GGA2: variants seen among roughly 807,000 people sequenced by gnomAD.
GGA2 encodes ADP-ribosylation factor-binding protein GGA2.
GGA2 carries 48 observed loss-of-function variants against 79.5 expected under a neutral mutation model. That is an observed-to-expected ratio of 0.60 (90% CI 0.48 to 0.77). The LOEUF (loss-of-function observed/expected upper bound fraction) is 0.77. Among genes scored for constraint, GGA2 ranks in the 30% least tolerant of loss-of-function variants. GGA2 has a pLI of 0.00. For synonymous variants in GGA2, 317 were observed against 302.0 expected, an observed-to-expected ratio of 1.05 and a Z score of -0.51; for missense variants, 770 against 774.0, an observed-to-expected ratio of 0.99 and a Z score of 0.06.
intron 2 of GGA2, among the ~76,000 whole-genome samples, chr16:23,518,209 C>G (rs766966358): frequency 4.9e-4 from 74 of 152,072 alleles, no homozygotes; most frequent in Non-Finnish European, 1.0e-3. Flanking sequence ...CCACGCCTGG[C>G]TGACATTTAT....
Position 23,500,146 on chromosome 16 carries a change from G to C in GGA2, c.92-4368C>G, listed in dbSNP as rs189199172. 6.6e-5 allele frequency among the ~76,000 whole-genome samples: 10 copies of C among 152,368 alleles called. 1 individual carries two copies. Among genetic ancestry groups the C allele is most frequent in the Admixed American group, 4.6e-4 (7 of 15,314 alleles). On this transcript the variant is annotated intron_variant, in intron 1 of 16. Transcript: ENST00000309859. Reference sequence around the variant, plus strand: ...AACAGGTTCCCAAGGGACCCTTGTAGACAAGGCAGCTCAGGGGAGGCAGCT... The same window carrying C: ...AACAGGTTCCCAAGGGACCCTTGTACACAAGGCAGCTCAGGGGAGGCAGCT...
intron 6 of GGA2, among the ~76,000 whole-genome samples, chr16:23,487,373 G>C (rs943484975): frequency 1.3e-5 from 2 of 152,150 alleles, no homozygotes; most frequent in African/African-American, 2.4e-5. Context: ...GTCACAACTA[G>C]AGAGGGGGTG....
At chr16:23,479,667 A>T in intron 11 of GGA2, 98 bp downstream of exon 11, 7 of 1,374,846 alleles carry the variant, frequency 5.1e-6, no homozygotes, top group Non-Finnish European at 7.1e-6. Flanking sequence ...AACCATCTCG[A>T]CTCCCTCAGC....
chr16:23,499,256 G>A (rs534059692), intron 1 of GGA2, among the ~76,000 whole-genome samples: 29 of 150,670 alleles, frequency 1.9e-4, no homozygotes, highest in African/African-American at 6.8e-4. Flanking sequence ...GCGATTCTCC[G>A]GCCTCAGCCT....
chr16:23,484,133 C>A (rs1964683333), intron 8 of GGA2, among the ~76,000 whole-genome samples: 1 of 151,396 alleles, frequency 6.6e-6, no homozygotes. Flanking sequence ...ACTGGCCAGG[C>A]ACAGTGGCTC....
At chr16:23,504,647 G>A (rs540501348) in intron 1 of GGA2, among the ~76,000 whole-genome samples, 3 of 152,334 alleles carry the variant, frequency 2.0e-5, no homozygotes, top group East Asian at 3.9e-4. Flanking sequence ...AGCAACCGCC[G>A]TAGGTCTGTT....
At chr16:23,523,499 A>C (rs1376673125), upstream of GGA2, 1 of 152,216 alleles carries the variant, frequency 6.6e-6, no homozygotes, top group Non-Finnish European at 1.5e-5. Context: ...AGCATAAGAC[A>C]AGAGTGCTTA....
At chr16:23,483,582 A>G (rs1964675862) in intron 8 of GGA2, among the ~76,000 whole-genome samples, 1 of 152,180 alleles carries the variant, frequency 6.6e-6, no homozygotes, top group Non-Finnish European at 1.5e-5. Context: ...GTTCCAAGGG[A>G]GACCAACAGC....
At chr16:23,499,012 C>T (rs1356065678) in intron 1 of GGA2, among the ~76,000 whole-genome samples, 3 of 152,124 alleles carry the variant, frequency 2.0e-5, no homozygotes, top group African/African-American at 7.2e-5. Context: ...AGGAAGAGAA[C>T]AGGGGGAGGC....
intron 1 of GGA2, among the ~76,000 whole-genome samples, chr16:23,505,459 C>CGGCT (rs1292354077): frequency 6.6e-6 from 1 of 152,214 alleles, no homozygotes; most frequent in East Asian, 1.9e-4. Context: ...AAGAACAAGG[C>CGGCT]GGCTACATCT....
upstream of GGA2, among the ~76,000 whole-genome samples, chr16:23,510,870 C>CGTGTGTGT (rs146414672): frequency 3.9e-5 from 5 of 129,508 alleles, no homozygotes; most frequent in African/African-American, 1.7e-4. Flanking sequence ...CCACGCCTGG[C>CGTGTGTGT]GTGTGTGTGT....
At chr16:23,513,273 T>C (rs1048461200), upstream of GGA2, among the ~76,000 whole-genome samples, 5 of 66,638 alleles carry the variant, frequency 7.5e-5, no homozygotes, top group Admixed American at 3.2e-4. Flanking sequence ...AGCGAGTACT[T>C]TGAACTCAAA....
chr16:23,509,604 T>C (rs1275774893), intron 1 of GGA2, among the ~76,000 whole-genome samples: 1 of 151,796 alleles, frequency 6.6e-6, no homozygotes, highest in East Asian at 1.9e-4. Flanking sequence ...CAATCCCTCA[T>C]TGGTAAAACG....
At chr16:23,481,542 G>A (rs181012358) in intron 9 of GGA2, among the ~76,000 whole-genome samples, 7 of 152,306 alleles carry the variant, frequency 4.6e-5, no homozygotes, top group African/African-American at 1.7e-4. Context: ...GGAAGCCAAG[G>A]CGGGCAAATC....
At chr16:23,493,990 G>C (rs1964822816) in intron 3 of GGA2, 1 of 415,070 alleles carries the variant, frequency 2.4e-6, no homozygotes, top group Non-Finnish European at 4.4e-6. Flanking sequence ...AGTGGGCCCT[G>C]TGCTAGAACT....
At chr16:23,505,065 C>T (rs187176464) in intron 1 of GGA2, among the ~76,000 whole-genome samples, 1 of 152,248 alleles carries the variant, frequency 6.6e-6, no homozygotes, top group East Asian at 1.9e-4. Flanking sequence ...AAGTGGTCAC[C>T]CCGAGGAGCA....
In GGA2 at chr16:23,490,666, C is replaced by T. The variant is rs573926762; in HGVS notation, c.475+1011G>A. Among the ~76,000 whole-genome samples the T allele has an allele frequency of 2.7e-5, 4 of 150,634 alleles. No homozygotes were observed. The East Asian group carries it at 5.9e-4, about 22-fold the overall frequency. On this transcript the variant is annotated intron_variant, in intron 5 of 16. Coordinates refer to ENST00000309859, the MANE Select transcript of GGA2 (RefSeq NM_015044.4). ...ACAAGAATTACTTGAACCCAGGAGG[C>T]GGAGGTTGCAGTGAACAGAGATCGC...
At chr16:23,478,842 C>A in intron 12 of GGA2, 41 bp downstream of exon 12, 1 of 1,456,400 alleles carries the variant, frequency 6.9e-7, no homozygotes, top group Non-Finnish European at 9.6e-7. Flanking sequence ...GGTCTGAGAC[C>A]CTCCCATTCT....
chr16:23,486,563 C>G, intron 7 of GGA2, 147 bp downstream of exon 7: 1 of 713,364 alleles, frequency 1.4e-6, no homozygotes. Flanking sequence ...TTGAGGGAGA[C>G]TATGGCTGTT....
Sources: allele counts gnomAD v4.1 joint callset (sites outside exome capture counted in the v4.1 genomes callset), GRCh38; gene constraint gnomAD v4.1.1; transcripts MANE v1.5; gene names NCBI Gene and HGNC (gene_info 2026-07-23, HGNC 2026-07-21).